The following LYZL6 variants were observed in gnomAD, a reference collection of about 807,000 sequenced individuals.
LYZL6 encodes the protein lysozyme like 6, also known as lysozyme-like protein 6.
LYZL6 carries 21 observed loss-of-function variants against 15.0 expected under a neutral mutation model. That is an observed-to-expected ratio of 1.40 (90% CI 1.00 to 2.02). LYZL6 has a LOEUF of 2.02. LYZL6 is among the 30% of genes most tolerant of loss of function. The probability of loss-of-function intolerance (pLI) is 0.00; values close to 1 mark genes in which losing one functional copy is unlikely to be tolerated. For synonymous variants in LYZL6, 72 were observed against 67.8 expected (o/e 1.06, Z -0.31); for missense variants, 173 against 180.5 (o/e 0.96, Z 0.24).
At chr17:35,940,663 C>T (rs770611138) in intron 1 of LYZL6, among the ~76,000 whole-genome samples, 6 of 152,196 alleles carry the variant, frequency 3.9e-5, no homozygotes, top group Non-Finnish European at 7.3e-5. Flanking sequence ...ATTTAGCAGT[C>T]ACTGCCCATC....
In LYZL6 at chr17:35,939,330, C is replaced by A; in HGVS notation, c.27G>T (p.Leu9Phe). The A allele has an allele frequency of 6.2e-7, 1 of 1,614,084 alleles. No homozygotes were observed. Among genetic ancestry groups the A allele is most frequent in the Non-Finnish European group, 8.5e-7 (1 of 1,180,000 alleles). The part of the protein sequence containing the change: MTKALLIY[L>F]VSSFLALNQA... ...GATTTAGGGCAAGAAAGCTGCTGACCAAATAGATGAGTAGCGCCTTTGTCA... is the reference window on the plus strand; with the variant it reads ...GATTTAGGGCAAGAAAGCTGCTGACAAAATAGATGAGTAGCGCCTTTGTCA... Residue 9 changes from leucine (L) to phenylalanine (F), a missense_variant, in exon 2 of 5, where the codon TTG becomes TTT. Transcript: ENST00000615905.
At chr17:35,936,131 A>C (rs1030650735) in intron 4 of LYZL6, among the ~76,000 whole-genome samples, 4 of 152,180 alleles carry the variant, frequency 2.6e-5, no homozygotes, top group Non-Finnish European at 5.9e-5. Context: ...TTTAAATAAA[A>C]AAATATTGTC....
At position 35,934,549 on chromosome 17, in the gene LYZL6, A is replaced by G; in HGVS notation, c.*247T>C. The G allele has an allele frequency of 7.8e-6, 4 of 510,570 alleles. No individual in the cohort carries two copies. The East Asian group carries it at 1.3e-4, about 16-fold the overall frequency. 31.6% of individuals were successfully genotyped at this position (510,570 alleles called of 1,614,324 possible). On this transcript the variant is annotated 3_prime_UTR_variant, in exon 5 of 5. Coordinates refer to ENST00000615905, the MANE Select transcript of LYZL6 (RefSeq NM_020426.4). ...GAGCGAGTGCTTTAATATTTCGATA[A>G]ATATAAAGATTTCTTTATTGTGGTC...
chr17:35,939,638 ATCTT>A (rs1456394318), intron 1 of LYZL6, 80 bp from the exon 2 acceptor site: 2 of 249,674 alleles, frequency 8.0e-6, no homozygotes, highest in African/African-American at 4.5e-5. Context: ...ACCAAGGCCA[ATCTT>A]TCTTTGTTGT....
intron 4 of LYZL6, among the ~76,000 whole-genome samples, chr17:35,935,305 A>G (rs531100043): frequency 4.6e-5 from 7 of 152,322 alleles, no homozygotes; most frequent in Admixed American, 3.9e-4. Context: ...TGTTACTTAT[A>G]TATCTAGTTT....
Position 35,937,816 on chromosome 17 carries a change from G to C in LYZL6, c.240C>G (p.His80Gln), listed in dbSNP as rs546886618. ...FDYGLFQINS[H>Q]YWCNDYKSYS... is the part of the protein sequence containing the mutation. The stretch of plus-strand genomic sequence containing the variant: ...AACTCTTATAATCGTTGCACCAGTA[G>C]TGGCTGTTGATCTGGAAGAGGCCAT... Residue 80 changes from histidine to glutamine, a missense_variant, in exon 3 of 5, where the codon CAC (histidine) becomes CAG (glutamine). Transcript: ENST00000615905. The C allele has an allele frequency of 6.8e-6, 11 of 1,614,052 alleles. No homozygotes were observed. The highest frequency in any genetic ancestry group is 8.5e-6 in the Non-Finnish European group (10 of 1,180,046).
At chr17:35,937,978 G>A in intron 2 of LYZL6, 62 bp from the exon 3 acceptor site, 3 of 1,528,970 alleles carry the variant, frequency 2.0e-6, no homozygotes, top group East Asian at 2.3e-5. Context: ...GAAGGGAGAT[G>A]GAGGAGAAAG....
Position 35,937,805 on chromosome 17 carries a change from T to C in LYZL6, c.251A>G (p.Asn84Ser), listed in dbSNP as rs1316473353. The C allele has an allele frequency of 1.2e-6, 2 of 1,614,164 alleles. No homozygotes were observed. The highest frequency in any genetic ancestry group is 1.7e-6 in the Non-Finnish European group (2 of 1,180,038). Residue 84 changes from asparagine to serine, a missense_variant, in exon 3 of 5, where the codon AAC becomes AGC. By Grantham distance (46) the Asn-to-Ser change is conservative. Coordinates refer to ENST00000615905, the MANE Select transcript of LYZL6 (RefSeq NM_020426.4). ...GTTTTCCGAGTAACTCTTATAATCG[T>C]TGCACCAGTAGTGGCTGTTGATCTG... ...LFQINSHYWCNDYKSYSENLC... is the reference protein window; with the variant it reads ...LFQINSHYWCSDYKSYSENLC...
In LYZL6 at chr17:35,936,782, A is replaced by G. The variant is rs1321144234; in HGVS notation, c.350T>C (p.Val117Ala). 2.5e-6 allele frequency: 4 copies of G among 1,613,734 alleles called. No homozygotes were observed. The highest frequency in any genetic ancestry group is 3.4e-6 in the Non-Finnish European group (4 of 1,180,038). Residue 117 changes from valine (V) to alanine (A), a missense_variant, in exon 4 of 5, where the codon GTG (valine) becomes GCG (alanine). By Grantham distance (64) the Val-to-Ala change is moderately conservative (BLOSUM62 0). Coordinates refer to ENST00000615905, the MANE Select transcript of LYZL6 (RefSeq NM_020426.4). ...LAGIHCAKRI[V>A]SGARGMNNWV... ...GTTGTTCATCCCCCGTGCTCCGGAC[A>G]CAATCCTTTTTGCGCAGTGGATGCC...
chr17:35,942,763 A>G (rs1026114009), intron 1 of LYZL6, among the ~76,000 whole-genome samples: 13 of 152,278 alleles, frequency 8.5e-5, no homozygotes, highest in African/African-American at 3.1e-4. Context: ...GGGCCCCAGT[A>G]AAACAGTGGG....
chr17:35,939,214 TCA>T lies in LYZL6; in HGVS notation c.139+2_139+3del. 2 of 1,613,220 alleles carry T rather than the reference TCA, an allele frequency of 1.2e-6. No homozygotes were observed. Among genetic ancestry groups the T allele is most frequent in the Middle Eastern group, 1.7e-4 (1 of 6,054 alleles). ...ATGGCTGGGGAGGGGCGGATGGTAC[TCA>T]CAGTCACTCAGGGAGTAACCCTCAA... On this transcript the variant is annotated splice_donor_variant and splice_donor_region_variant and intron_variant, in intron 2 of 4. Coordinates refer to ENST00000615905, the MANE Select transcript of LYZL6 (RefSeq NM_020426.4). LOFTEE classifies it high-confidence loss of function.
At chr17:35,936,696 C>T (rs1349062130) in intron 4 of LYZL6, 59 bp downstream of exon 4, 12 of 1,494,470 alleles carry the variant, frequency 8.0e-6, no homozygotes, top group Non-Finnish European at 1.1e-5. Flanking sequence ...CTGCCCTTTT[C>T]TCTGTCACGT....
Position 35,943,637 on chromosome 17 carries a change from G to A in LYZL6, c.-273C>T, listed in dbSNP as rs2089439429. On this transcript the variant is annotated 5_prime_UTR_variant, in exon 1 of 5. Transcript: ENST00000615905. ...ATTTCTGGGAGGATCTGTAGAACAA[G>A]GCTGTCTACAGTAGGAGCCTCTTCT... The A allele has an allele frequency of 6.6e-6, 1 of 152,258 alleles. No individual in the cohort carries two copies. Among genetic ancestry groups the A allele is most frequent in the South Asian group, 2.1e-4 (1 of 4,826 alleles). The allele number at this position is 152,258 out of a possible 1,614,324, so 9.4% of individuals were successfully genotyped here. A position where few individuals can be genotyped will look rare whatever the true frequency, so the allele number is the denominator to read the frequency against.
At chr17:35,934,917 A>G (rs1555634539) in intron 4 of LYZL6, 52 bp from the exon 5 acceptor site, 2 of 1,564,728 alleles carry the variant, frequency 1.3e-6, no homozygotes, top group Non-Finnish European at 1.8e-6. Flanking sequence ...ACTCTTCCAC[A>G]CACATGACCC....
At position 35,934,688 on chromosome 17, in the gene LYZL6, G is replaced by C. The variant is rs903886084; in HGVS notation, c.*108C>G. 1 of 1,087,078 alleles carries C rather than the reference G, an allele frequency of 9.2e-7. No homozygotes were observed. Among genetic ancestry groups the C allele is most frequent in the Non-Finnish European group, 1.4e-6 (1 of 731,374 alleles). The allele number at this position is 1,087,078 out of a possible 1,614,324, so 67.3% of individuals were successfully genotyped here. The stretch of plus-strand genomic sequence containing the variant: ...TCTGGTCAGTTTTAGTTGTAAATGG[G>C]AAGGGAAGAAAATAACATGAAGTGG... On this transcript the variant is annotated 3_prime_UTR_variant, in exon 5 of 5. Transcript: ENST00000615905.
intron 4 of LYZL6, 53 bp from the exon 5 acceptor site, chr17:35,934,918 C>A: frequency 1.3e-6 from 2 of 1,561,502 alleles, no homozygotes; most frequent in Non-Finnish European, 8.8e-7. Flanking sequence ...CTCTTCCACA[C>A]ACATGACCCA....
At chr17:35,939,172 T>C (rs780394722) in intron 2 of LYZL6, 46 bp downstream of exon 2, 3 of 1,594,852 alleles carry the variant, frequency 1.9e-6, no homozygotes, top group Admixed American at 1.7e-5. Flanking sequence ...ATATAGGACA[T>C]GACTAGCAGA....
Position 35,939,391 on chromosome 17 carries a change from G to T in LYZL6, c.-35C>A, listed in dbSNP as rs113916230. On this transcript the variant is annotated 5_prime_UTR_variant, in exon 2 of 5. Coordinates refer to ENST00000615905, the MANE Select transcript of LYZL6 (RefSeq NM_020426.4). The stretch of plus-strand genomic sequence containing the variant: ...GGAGGAGGTGCAGCTGAGGGCTGAT[G>T]GTTCTTAGGGTCTTGCAGACTTTCT... 401 of 1,600,510 alleles carry T rather than the reference G, an allele frequency of 2.5e-4. 2 individuals carry two copies. The African/African-American group carries it at 4.7e-3, about 19-fold the overall frequency.
chr17:35,936,794 G>A lies in LYZL6; in HGVS notation c.338C>T (p.Ala113Val). The A allele has an allele frequency of 6.2e-7, 1 of 1,613,818 alleles. No individual in the cohort carries two copies. Among genetic ancestry groups the A allele is most frequent in the East Asian group, 2.2e-5 (1 of 44,880 alleles). The change falls in exon 4 of 5, where the codon GCA becomes GTA. Residue 113 changes from alanine to valine, a missense_variant. By Grantham distance (64) the Ala-to-Val change is moderately conservative. Transcript: ENST00000615905. ...NPNLLAGIHCAKRIVSGARGM... is the reference protein window; with the variant it reads ...NPNLLAGIHCVKRIVSGARGM... ...CCGTGCTCCGGACACAATCCTTTTT[G>A]CGCAGTGGATGCCTGCAAGAAGGTT...
Sources: allele counts gnomAD v4.1 joint callset (sites outside exome capture counted in the v4.1 genomes callset), GRCh38; gene constraint gnomAD v4.1.1; transcripts MANE v1.5; gene names NCBI Gene and HGNC (gene_info 2026-07-23, HGNC 2026-07-21).